ZFYVE16: variants seen among roughly 807,000 people sequenced by gnomAD.
ZFYVE16 encodes zinc finger FYVE-type containing 16.
A neutral mutation model predicts 138.1 loss-of-function variants in ZFYVE16; 89 were observed. The ratio of observed to expected loss-of-function variants is 0.64; its 90% CI spans 0.54 to 0.77. The LOEUF is 0.77. Ranked by LOEUF, ZFYVE16 falls within the 30% of genes least tolerant of loss-of-function variation. The pLI is 0.00. For synonymous variants in ZFYVE16, 596 were observed against 618.3 expected (o/e 0.96, Z 0.53); for missense variants, 1,793 against 1,786.7 (o/e 1.00, Z -0.06).
chr5:80,435,058 G>A (rs1457447462), intron 3 of ZFYVE16, among the ~76,000 whole-genome samples: 5 of 151,500 alleles, frequency 3.3e-5, no homozygotes, highest in Non-Finnish European at 5.9e-5. Context: ...TTTCTGAGAC[G>A]GAGTCTCACT....
rs7349801 is a variant in ZFYVE16 at position 80,417,246 on chromosome 5, C to T, written c.-94+9093C>T. On this transcript the variant is annotated intron_variant, in intron 1 of 18. Coordinates refer to ENST00000505560, the MANE Select transcript of ZFYVE16 (RefSeq NM_001284236.3). ...TCTTTCTTTAGTCTTACATATTCCA[C>T]TCATTTCCAAAGGTCAGCACCTTAT... 3.9e-5 allele frequency among the ~76,000 whole-genome samples: 6 copies of T among 152,320 alleles called. No homozygotes were observed. The South Asian group carries it at 1.0e-3, about 26-fold the overall frequency.
At chr5:80,470,245 G>A (rs1754236550) in intron 15 of ZFYVE16, among the ~76,000 whole-genome samples, 1 of 151,286 alleles carries the variant, frequency 6.6e-6, no homozygotes, top group South Asian at 2.1e-4. Context: ...GGGACTACAG[G>A]CACCTACCAC....
chr5:80,428,016 C>T (rs899922914), intron 2 of ZFYVE16, among the ~76,000 whole-genome samples: 15 of 141,344 alleles, frequency 1.1e-4, no homozygotes, highest in South Asian at 6.9e-4. Context: ...CCAAGATGGC[C>T]GAATAGGAAC....
At chr5:80,421,169 T>C (rs1323698364) in intron 1 of ZFYVE16, among the ~76,000 whole-genome samples, 1 of 152,234 alleles carries the variant, frequency 6.6e-6, no homozygotes, top group South Asian at 2.1e-4. Context: ...TAAATTTGTT[T>C]GAGTTCTTTG....
At position 80,427,774 on chromosome 5, in the gene ZFYVE16, G is replaced by A. The variant is rs183633574; in HGVS notation, c.-40+229G>A. Among the ~76,000 whole-genome samples, 935 of 151,012 alleles carry A rather than the reference G, an allele frequency of 6.2e-3. 6 individuals carry two copies. Among genetic ancestry groups the A allele is most frequent in the Non-Finnish European group, 0.011 (733 of 67,702 alleles). Reference sequence around the variant, plus strand: ...CAGAAGACTTGAGGTCATCGAGACAGCCTGGCCAAAATGGTGAAACCCCCA... The same window carrying A: ...CAGAAGACTTGAGGTCATCGAGACAACCTGGCCAAAATGGTGAAACCCCCA... On this transcript the variant is annotated intron_variant, in intron 2 of 18. Coordinates refer to ENST00000505560, the MANE Select transcript of ZFYVE16 (RefSeq NM_001284236.3).
chr5:80,442,642 C>A (rs1192928588), intron 5 of ZFYVE16, among the ~76,000 whole-genome samples: 1 of 152,122 alleles, frequency 6.6e-6, no homozygotes, highest in Non-Finnish European at 1.5e-5. Flanking sequence ...GAGATGAGGT[C>A]AAACAGGTAA....
intron 5 of ZFYVE16, chr5:80,441,018 T>C: frequency 2.0e-6 from 2 of 985,458 alleles, no homozygotes; most frequent in Non-Finnish European, 2.4e-6. Context: ...GTAAATCTTT[T>C]TATGTTTCCA....
chr5:80,420,745 G>A (rs1016035902), intron 1 of ZFYVE16, among the ~76,000 whole-genome samples: 29 of 152,198 alleles, frequency 1.9e-4, no homozygotes, highest in African/African-American at 5.8e-4. Context: ...GAATAGTGCC[G>A]CAATAAACAT....
chr5:80,422,696 G>A (rs1055900491), intron 1 of ZFYVE16, among the ~76,000 whole-genome samples: 1 of 152,028 alleles, frequency 6.6e-6, no homozygotes, highest in Non-Finnish European at 1.5e-5. Context: ...CTTGTGATCT[G>A]CCCGTCTCAG....
chr5:80,438,754 C>G lies in ZFYVE16; in HGVS notation c.2069C>G (p.Ala690Gly). Residue 690 changes from alanine (A) to glycine (G), a missense_variant, in exon 4 of 19, where the codon GCT (alanine) becomes GGT (glycine). This residue lies in a region of ZFYVE16 where 1,295 missense variants were observed against 1,204.3 expected (regional missense o/e 1.08). Coordinates refer to ENST00000505560, the MANE Select transcript of ZFYVE16 (RefSeq NM_001284236.3). ...GATACCGTTGTTCCAATCACTTGTG[C>G]TATAGATTCTACAGCTGATCCACAG... Reference protein sequence around the residue: ...TADTVVPITCAIDSTADPQVS... With the variant: ...TADTVVPITCGIDSTADPQVS... 6.2e-7 allele frequency: 1 copy of G among 1,614,076 alleles called. No homozygotes were observed.
rs1580301850 is a variant in ZFYVE16, at chr5:80,455,701, C to T, written c.3617C>T (p.Ala1206Val). 14 of 1,603,974 alleles carry T rather than the reference C, an allele frequency of 8.7e-6. No individual in the cohort carries two copies. Among genetic ancestry groups the T allele is most frequent in the Non-Finnish European group, 1.2e-5 (14 of 1,177,252 alleles). The part of the protein sequence containing the change: ...RLGAEYKAYP[A>V]PLTSIRGRKP... Reference sequence around the variant, plus strand: ...CCTTTCTTATGTATAGCATATCCTGCTCCTCTAACAAGCATCAGAGGCCGA... The same window carrying T: ...CCTTTCTTATGTATAGCATATCCTGTTCCTCTAACAAGCATCAGAGGCCGA... Residue 1206 changes from alanine to valine, a missense_variant, in exon 12 of 19, where the codon GCT becomes GTT. Physicochemically the swap from Ala to Val is moderately conservative, Grantham distance 64. Transcript: ENST00000505560.
In ZFYVE16 at chr5:80,438,367, T is replaced by C; in HGVS notation, c.1682T>C (p.Met561Thr). 1 of 1,613,518 alleles carries C rather than the reference T, an allele frequency of 6.2e-7. No individual in the cohort carries two copies. Among genetic ancestry groups the C allele is most frequent in the Non-Finnish European group, 8.5e-7 (1 of 1,179,848 alleles). Residue 561 changes from methionine (M) to threonine (T), a missense_variant, in exon 4 of 19, where the codon ATG (methionine) becomes ACG (threonine). Transcript: ENST00000505560. ...EENVNDSKSQ[M>T]NQIDMKGLDD... ...AATGTAAATGACTCTAAATCGCAAA[T>C]GAATCAGATAGATATGAAAGGCTTA...
chr5:80,460,914 A>G (rs1200280866), intron 15 of ZFYVE16, among the ~76,000 whole-genome samples: 1 of 152,222 alleles, frequency 6.6e-6, no homozygotes, highest in African/African-American at 2.4e-5. Context: ...ACTATTATCA[A>G]TTTATAGCCA....
At chr5:80,458,872 G>A (rs1752804033) in intron 14 of ZFYVE16, among the ~76,000 whole-genome samples, 1 of 152,044 alleles carries the variant, frequency 6.6e-6, no homozygotes, top group African/African-American at 2.4e-5. Flanking sequence ...ACTAATATAG[G>A]CACAAACATT....
chr5:80,454,004 C>G (rs1169857033), intron 11 of ZFYVE16: 1 of 152,028 alleles, frequency 6.6e-6, no homozygotes, highest in African/African-American at 2.4e-5. Flanking sequence ...AAAGGTTGCC[C>G]CCTCATTCAT....
chr5:80,479,846 CTGAGACTCCCAAAT>C lies in ZFYVE16; in HGVS notation c.*2470_*2483del, dbSNP rs1445718862. 3.3e-5 allele frequency among the ~76,000 whole-genome samples: 5 copies of C among 152,220 alleles called. No individual in the cohort carries two copies. In the South Asian group the frequency reaches 1.0e-3, roughly 32 times the overall value. On this transcript the variant is annotated 3_prime_UTR_variant, in exon 19 of 19. Transcript: ENST00000505560. ...AACAGGAGACCCTCCACACAATAGG[CTGAGACTCCCAAAT>C]ACTTTCACCTTTAGGATGATAATGA... is the stretch of plus-strand genomic sequence containing the variant.
intron 12 of ZFYVE16, 129 bp downstream of exon 12, chr5:80,455,903 A>G (rs1561309581): frequency 1.3e-5 from 10 of 793,160 alleles, no homozygotes; most frequent in South Asian, 1.9e-5. Context: ...TTCATTTACA[A>G]TAAATCCTAA....
intron 11 of ZFYVE16, 22 bp from the exon 12 acceptor site, chr5:80,455,670 A>G: frequency 6.3e-7 from 1 of 1,593,146 alleles, no homozygotes; most frequent in South Asian, 1.1e-5. Flanking sequence ...GATAGTAACC[A>G]GTTTTCCTTT....
At chr5:80,459,583 T>C (rs1371373338) in intron 15 of ZFYVE16, 89 bp downstream of exon 15, 1 of 1,175,546 alleles carries the variant, frequency 8.5e-7, no homozygotes, top group African/African-American at 1.5e-5. Context: ...CAAGAACATA[T>C]GTAAGTTATA....
Sources: allele counts gnomAD v4.1 joint callset (sites outside exome capture counted in the v4.1 genomes callset), GRCh38; gene constraint gnomAD v4.1.1; regional missense constraint gnomAD v4.1.1; transcripts MANE v1.5; gene names NCBI Gene and HGNC (gene_info 2026-07-23, HGNC 2026-07-21).